MYT1L: variants seen among roughly 807,000 people sequenced by gnomAD.
The protein encoded by MYT1L is myelin transcription factor 1 like, also known as myelin transcription factor 1-like protein.
In MYT1L, 12 loss-of-function variants were observed where a neutral mutation model predicts 126.7. The observed-to-expected ratio is 0.09, with a 90% confidence interval of 0.06 to 0.15. MYT1L has a LOEUF of 0.15. Ranked by LOEUF, MYT1L falls within the 10% of genes least tolerant of loss-of-function variation. The pLI is 1.00. For missense variants in MYT1L, 979 were observed against 1,585.2 expected (o/e 0.62, Z 6.49); for synonymous variants, 541 against 604.2 (o/e 0.90, Z 1.53).
At chr2:2,232,300 G>C (rs1379589129) in intron 2 of MYT1L, among the ~76,000 whole-genome samples, 2 of 152,222 alleles carry the variant, frequency 1.3e-5, no homozygotes, top group East Asian at 3.9e-4. Context: ...CAGCCGGGAG[G>C]CTTGGGTCAC....
At chr2:1,840,873 C>G in intron 19 of MYT1L, 30 bp from the exon 20 acceptor site, 1 of 1,425,046 alleles carries the variant, frequency 7.0e-7, no homozygotes, top group Middle Eastern at 2.2e-4. Flanking sequence ...CAGAAAGCAC[C>G]CCACACCGTT....
intron 18 of MYT1L, among the ~76,000 whole-genome samples, chr2:1,860,027 C>CA (rs1368986339): frequency 1.3e-5 from 2 of 152,254 alleles, no homozygotes; most frequent in African/African-American, 4.8e-5. Flanking sequence ...CCCGACCATG[C>CA]AGCCTAGGAC....
chr2:2,042,700 C>T (rs1286669764), intron 4 of MYT1L, among the ~76,000 whole-genome samples: 1 of 152,178 alleles, frequency 6.6e-6, no homozygotes, highest in Non-Finnish European at 1.5e-5. Context: ...CTGTCACCCA[C>T]CCTGAGGTTG....
At chr2:1,989,654 TA>T (rs1334296744) in intron 5 of MYT1L, among the ~76,000 whole-genome samples, 3 of 152,078 alleles carry the variant, frequency 2.0e-5, no homozygotes, top group Non-Finnish European at 4.4e-5. Context: ...GTTTCCTACC[TA>T]TAGGGGGAAA....
intron 4 of MYT1L, among the ~76,000 whole-genome samples, chr2:2,027,241 A>T (rs1010442247): frequency 6.6e-6 from 1 of 152,052 alleles, no homozygotes. Flanking sequence ...CCACCCCGGG[A>T]GGCAGAGCAC....
At chr2:2,152,092 C>T (rs2085890417) in intron 3 of MYT1L, among the ~76,000 whole-genome samples, 1 of 152,146 alleles carries the variant, frequency 6.6e-6, no homozygotes, top group African/African-American at 2.4e-5. Flanking sequence ...ATAAAAATAG[C>T]ACAACTATAA....
At chr2:2,178,196 A>G (rs2091039747) in intron 2 of MYT1L, among the ~76,000 whole-genome samples, 1 of 152,318 alleles carries the variant, frequency 6.6e-6, no homozygotes, top group South Asian at 2.1e-4. Context: ...TTTTCAAAAG[A>G]TATGTGTCAA....
At position 1,943,189 on chromosome 2, in the gene MYT1L, C is replaced by T. The variant is rs1417204719; in HGVS notation, c.298G>A (p.Asp100Asn). Residue 100 changes from aspartate (D) to asparagine (N), a missense_variant, in exon 9 of 25, where the codon GAT becomes AAT. Physicochemically the swap from Asp to Asn is conservative, Grantham distance 23. Transcript: ENST00000647738. This position sits in a 1 kb window ranked among gnomAD's most constrained non-coding sequence, Gnocchi z 4.4. ...CDDSDGTEDMDEKEEDEGEEY... is the reference protein window; with the variant it reads ...CDDSDGTEDMNEKEEDEGEEY... ...TCCCCCTCATCCTCCTCCTTCTCAT[C>T]CATGTCCTCAGTCCCATCACTGTCG... 4.5e-6 allele frequency: 7 copies of T among 1,551,728 alleles called. No individual in the cohort carries two copies. In the East Asian group the frequency reaches 1.5e-4, roughly 33 times the overall value.
At chr2:1,883,698 C>A (rs934754855) in intron 18 of MYT1L, among the ~76,000 whole-genome samples, 2 of 152,180 alleles carry the variant, frequency 1.3e-5, no homozygotes, top group Non-Finnish European at 2.9e-5. Context: ...AAAGCATCGA[C>A]GCGCAAAAGT....
In MYT1L at chr2:2,023,199, G is replaced by A. The variant is rs546641655; in HGVS notation, c.-157-25852C>T. On this transcript the variant is annotated intron_variant, in intron 4 of 24. Coordinates refer to ENST00000647738, the MANE Select transcript of MYT1L (RefSeq NM_001303052.2). ...AGGTGGAAGGGACATCAGGGTGGGG[G>A]CCTGAGTCACCTTTATGGCCAGTGT... Among the ~76,000 whole-genome samples the A allele has an allele frequency of 4.6e-5, 7 of 152,294 alleles. No homozygotes were observed. In the South Asian group the frequency reaches 6.2e-4, roughly 14 times the overall value.
intron 4 of MYT1L, among the ~76,000 whole-genome samples, chr2:2,032,559 C>A (rs1417609418): frequency 1.4e-5 from 2 of 146,348 alleles, no homozygotes; most frequent in Non-Finnish European, 3.0e-5. Context: ...CTCCCCAGTG[C>A]CTCTCATCCT....
rs1263203445 is a variant in MYT1L, at chr2:1,852,368, G to C, written c.2712-665C>G. On this transcript the variant is annotated intron_variant, in intron 18 of 24. Coordinates refer to ENST00000647738, the MANE Select transcript of MYT1L (RefSeq NM_001303052.2). This position sits in a 1 kb window ranked among gnomAD's most constrained non-coding sequence, Gnocchi z 4.0. Reference sequence around the variant, plus strand: ...AAATCAGTTCAGATCCACCAGGTCAGTCAGTGGAGAGGCTCTGAACAGTTC... The same window carrying C: ...AAATCAGTTCAGATCCACCAGGTCACTCAGTGGAGAGGCTCTGAACAGTTC... Among the ~76,000 whole-genome samples the C allele has an allele frequency of 6.6e-6, 1 of 152,208 alleles. No individual in the cohort carries two copies. Among genetic ancestry groups the C allele is most frequent in the Non-Finnish European group, 1.5e-5 (1 of 68,042 alleles).
At chr2:2,234,736 C>A (rs1359464423) in intron 2 of MYT1L, among the ~76,000 whole-genome samples, 2 of 152,194 alleles carry the variant, frequency 1.3e-5, no homozygotes, top group Non-Finnish European at 2.9e-5. Flanking sequence ...TGGTTCAAAT[C>A]TCAGCATGAG....
intron 3 of MYT1L, among the ~76,000 whole-genome samples, chr2:2,125,432 C>T (rs1281352964): frequency 2.0e-5 from 3 of 152,174 alleles, no homozygotes; most frequent in Non-Finnish European, 4.4e-5. Flanking sequence ...ATTTGACTCC[C>T]GTATGTATCC....
intron 1 of MYT1L, among the ~76,000 whole-genome samples, chr2:2,301,948 G>C (rs1164534253): frequency 2.0e-5 from 3 of 151,586 alleles, no homozygotes; most frequent in African/African-American, 7.3e-5. Context: ...TGTATATTAT[G>C]TGTCAGGCAC....
chr2:2,071,886 G>A (rs1225411380), intron 3 of MYT1L, among the ~76,000 whole-genome samples: 1 of 152,184 alleles, frequency 6.6e-6, no homozygotes, highest in African/African-American at 2.4e-5. Context: ...GGTGTACAGA[G>A]ACCAGAGGCA....
At position 1,889,186 on chromosome 2, in the gene MYT1L, TG is replaced by T. The variant is rs1027337024; in HGVS notation, c.2520+54del. The T allele has an allele frequency of 2.1e-6, 3 of 1,456,308 alleles. No individual in the cohort carries two copies. The highest frequency in any genetic ancestry group is 4.6e-5 in the East Asian group (2 of 43,452). 90.2% of individuals were successfully genotyped at this position (1,456,308 alleles called of 1,614,324 possible). A position where few individuals can be genotyped will look rare whatever the true frequency, so the allele number is the denominator to read the frequency against. ...ATGTGCAAATGGCTTTTCTTTCAGC[TG>T]GGGCCCCATTTTTAAGTCTGGCAGT... On this transcript the variant is annotated intron_variant, in intron 16 of 24. Coordinates refer to ENST00000647738, the MANE Select transcript of MYT1L (RefSeq NM_001303052.2). This position sits in a 1 kb window ranked among gnomAD's most constrained non-coding sequence, Gnocchi z 4.1.
At chr2:2,318,842 G>T (rs111569597) in intron 1 of MYT1L, among the ~76,000 whole-genome samples, 212 of 152,240 alleles carry the variant, frequency 1.4e-3, no homozygotes, top group African/African-American at 4.7e-3. Context: ...TTTAAGCAAA[G>T]ACATGTGGCT....
At chr2:1,862,021 G>A (rs139341696) in intron 18 of MYT1L, among the ~76,000 whole-genome samples, 22 of 143,202 alleles carry the variant, frequency 1.5e-4, no homozygotes, top group African/African-American at 4.9e-4. Context: ...TTTCACACTC[G>A]GGGGTTACCT....
Sources: allele counts gnomAD v4.1 joint callset (sites outside exome capture counted in the v4.1 genomes callset), GRCh38; gene constraint gnomAD v4.1.1; non-coding constraint Gnocchi (gnomAD v3.1); transcripts MANE v1.5; gene names NCBI Gene and HGNC (gene_info 2026-07-23, HGNC 2026-07-21).